The following TSPAN5 variants were observed in gnomAD, a reference collection of about 807,000 sequenced individuals.
TSPAN5 encodes the protein tetraspanin 5.
A neutral mutation model predicts 37.1 loss-of-function variants in TSPAN5; 10 were observed. That is an observed-to-expected ratio of 0.27 (90% CI 0.17 to 0.46). TSPAN5 has a LOEUF of 0.46. TSPAN5 is among the 20% of genes least tolerant of loss of function. The pLI is 1.00. For missense variants in TSPAN5, 195 were observed against 326.6 expected (o/e 0.60, Z 3.11); for synonymous variants, 110 against 118.9 (o/e 0.93, Z 0.48).
At chr4:98,557,862 G>A (rs1235372842) in intron 1 of TSPAN5, among the ~76,000 whole-genome samples, 1 of 152,162 alleles carries the variant, frequency 6.6e-6, no homozygotes, top group African/African-American at 2.4e-5. Flanking sequence ...AGACAAATCT[G>A]AGGAACATTC....
At chr4:98,574,235 A>T (rs1755186105) in intron 1 of TSPAN5, among the ~76,000 whole-genome samples, 1 of 152,116 alleles carries the variant, frequency 6.6e-6, no homozygotes, top group South Asian at 2.1e-4. Context: ...ATCATATTTC[A>T]CCTACTTACT....
chr4:98,519,931 TGG>T (rs1310173608), intron 1 of TSPAN5, among the ~76,000 whole-genome samples: 17 of 152,186 alleles, frequency 1.1e-4, no homozygotes, highest in Admixed American at 4.6e-4. Flanking sequence ...ATCTATCTCG[TGG>T]GGTCATTGGG....
At chr4:98,576,488 A>G (rs542438498) in intron 1 of TSPAN5, among the ~76,000 whole-genome samples, 20 of 152,330 alleles carry the variant, frequency 1.3e-4, no homozygotes, top group African/African-American at 4.6e-4. Flanking sequence ...AATCCCAGAC[A>G]ACATACTTTG....
intron 1 of TSPAN5, among the ~76,000 whole-genome samples, chr4:98,536,589 T>C (rs1349665578): frequency 6.6e-6 from 1 of 152,242 alleles, no homozygotes; most frequent in Non-Finnish European, 1.5e-5. Flanking sequence ...CTGCTGAAGC[T>C]GCGCCCATAG....
chr4:98,572,288 G>T (rs369407175), intron 1 of TSPAN5, among the ~76,000 whole-genome samples: 1 of 152,166 alleles, frequency 6.6e-6, no homozygotes. Flanking sequence ...CATTAAGACC[G>T]TAAGCATAGG....
At chr4:98,624,930 GCA>G in intron 1 of TSPAN5, among the ~76,000 whole-genome samples, 1 of 152,178 alleles carries the variant, frequency 6.6e-6, no homozygotes, top group Non-Finnish European at 1.5e-5. Flanking sequence ...ATACAGAGAG[GCA>G]TTAATGAACG....
intron 2 of TSPAN5, among the ~76,000 whole-genome samples, chr4:98,493,105 A>G (rs1365647271): frequency 2.0e-5 from 3 of 152,358 alleles, no homozygotes; most frequent in Non-Finnish European, 4.4e-5. Flanking sequence ...TGAGCCCACG[A>G]GTTGGAGGCT....
chr4:98,508,522 CTTTTTTTTTTT>C (rs34342433), intron 1 of TSPAN5, among the ~76,000 whole-genome samples: 3 of 121,930 alleles, frequency 2.5e-5, no homozygotes, highest in African/African-American at 9.3e-5. Context: ...TACTGTTTTT[CTTTTTTTTTTT>C]TTTTTTTTTG....
At chr4:98,558,235 A>G (rs1754795201) in intron 1 of TSPAN5, among the ~76,000 whole-genome samples, 1 of 150,300 alleles carries the variant, frequency 6.7e-6, no homozygotes, top group Admixed American at 6.7e-5. Flanking sequence ...ATGCTCATAC[A>G]TTTATTTCTC....
In TSPAN5 at chr4:98,658,576, G is replaced by A. The variant is rs1477391491; in HGVS notation, c.-350C>T. On this transcript the variant is annotated 5_prime_UTR_variant, in exon 1 of 8. Coordinates refer to ENST00000305798, the MANE Select transcript of TSPAN5 (RefSeq NM_005723.4). Reference sequence around the variant, plus strand: ...TCGTCCCCGGGCTTCGGGCAAAGGCGGCCGCGGCAGATGCTGGTGGAGACG... The same window carrying A: ...TCGTCCCCGGGCTTCGGGCAAAGGCAGCCGCGGCAGATGCTGGTGGAGACG... 1 of 161,196 alleles carries A rather than the reference G, an allele frequency of 6.2e-6. No homozygotes were observed. The highest frequency in any genetic ancestry group is 1.3e-5 in the Non-Finnish European group (1 of 74,320). 10.0% of individuals were successfully genotyped at this position (161,196 alleles called of 1,614,324 possible). A position where few individuals can be genotyped will look rare whatever the true frequency, so the allele number is the denominator to read the frequency against.
intron 4 of TSPAN5, among the ~76,000 whole-genome samples, chr4:98,479,413 G>C (rs1752785704): frequency 6.6e-6 from 1 of 152,206 alleles, no homozygotes; most frequent in Admixed American, 6.5e-5. Context: ...TGGACTGCCA[G>C]AATGAGCCAA....
intron 1 of TSPAN5, among the ~76,000 whole-genome samples, chr4:98,517,558 C>CA (rs1436963422): frequency 2.6e-5 from 4 of 152,070 alleles, no homozygotes; most frequent in Non-Finnish European, 5.9e-5. Context: ...GAAATGTCTA[C>CA]AATCCAGGGA....
rs1491160515 is a variant in TSPAN5, at chr4:98,590,722, A to AG, written c.81+67423_81+67424insC. On this transcript the variant is annotated intron_variant, in intron 1 of 7. Transcript: ENST00000305798. ...GAGACTGTCTCAAAAAAAAAAAAAA[A>AG]AGAGAGAGAGAGAGATGAATTAACT... is the stretch of plus-strand genomic sequence containing the variant. 3.6e-3 allele frequency among the ~76,000 whole-genome samples: 548 copies of AG among 150,476 alleles called. 1 individual carries two copies. Among genetic ancestry groups the AG allele is most frequent in the Middle Eastern group, 0.014 (4 of 292 alleles).
intron 1 of TSPAN5, among the ~76,000 whole-genome samples, chr4:98,508,117 G>A (rs1420080894): frequency 6.6e-6 from 1 of 152,182 alleles, no homozygotes; most frequent in Non-Finnish European, 1.5e-5. Context: ...GAGGAACTGG[G>A]ATCTTCTCTT....
chr4:98,634,316 C>A (rs548643707), intron 1 of TSPAN5, among the ~76,000 whole-genome samples: 30 of 152,172 alleles, frequency 2.0e-4, no homozygotes, highest in Middle Eastern at 3.4e-3. Flanking sequence ...GTACAAGGGG[C>A]CTTTTGCCTT....
chr4:98,489,530 ACT>A (rs1753041455), intron 2 of TSPAN5, among the ~76,000 whole-genome samples: 1 of 151,852 alleles, frequency 6.6e-6, no homozygotes, highest in Admixed American at 6.6e-5. Context: ...CAAACTGCAC[ACT>A]CTCTGGTCTG....
intron 1 of TSPAN5, among the ~76,000 whole-genome samples, chr4:98,604,728 C>T (rs1349159039): frequency 6.6e-6 from 1 of 152,182 alleles, no homozygotes; most frequent in Non-Finnish European, 1.5e-5. Context: ...TACCTTCATA[C>T]CCAAAAAGAG....
intron 1 of TSPAN5, among the ~76,000 whole-genome samples, chr4:98,553,612 T>C (rs1754669038): frequency 6.6e-6 from 1 of 152,198 alleles, no homozygotes; most frequent in Non-Finnish European, 1.5e-5. Flanking sequence ...AACCTTTAAA[T>C]GGTAAGGTAC....
At chr4:98,531,843 G>T (rs1401814252) in intron 1 of TSPAN5, among the ~76,000 whole-genome samples, 1 of 152,100 alleles carries the variant, frequency 6.6e-6, no homozygotes, top group Non-Finnish European at 1.5e-5. Flanking sequence ...TATGTTTGTT[G>T]GCTGCATAAA....
Sources: allele counts gnomAD v4.1 joint callset (sites outside exome capture counted in the v4.1 genomes callset), GRCh38; gene constraint gnomAD v4.1.1; transcripts MANE v1.5; gene names NCBI Gene and HGNC (gene_info 2026-07-23, HGNC 2026-07-21).